The following SERINC1 variants were observed in gnomAD, a reference collection of about 807,000 sequenced individuals.
SERINC1 encodes the protein serine incorporator 1.
SERINC1 carries 38 observed loss-of-function variants against 52.9 expected under a neutral mutation model. That is an observed-to-expected ratio of 0.72 (90% CI 0.55 to 0.94). The LOEUF (loss-of-function observed/expected upper bound fraction) is 0.94. SERINC1 is among the 40% of genes least tolerant of loss of function. The pLI is 0.00. For synonymous variants in SERINC1, 198 were observed against 183.1 expected (o/e 1.08, Z -0.66); for missense variants, 471 against 533.9 (o/e 0.88, Z 1.16).
At chr6:122,449,068 C>T (rs535068392) in intron 7 of SERINC1, among the ~76,000 whole-genome samples, 1 of 152,240 alleles carries the variant, frequency 6.6e-6, no homozygotes, top group Admixed American at 6.5e-5. Flanking sequence ...GTGAAATAAT[C>T]GACAAACATT....
chr6:122,461,090 T>C (rs1775092896), intron 1 of SERINC1, among the ~76,000 whole-genome samples: 2 of 151,830 alleles, frequency 1.3e-5, no homozygotes, highest in Non-Finnish European at 2.9e-5. Flanking sequence ...GAAATTAGAG[T>C]CCCTGAAATG....
At chr6:122,454,386 G>T (rs753575205) in intron 3 of SERINC1, 156 bp from the exon 4 acceptor site, 37 of 558,368 alleles carry the variant, frequency 6.6e-5, no homozygotes, top group Non-Finnish European at 1.1e-4. Flanking sequence ...AGCCATATTT[G>T]TAACTACAAA....
At chr6:122,452,931 T>G (rs1234921318) in intron 5 of SERINC1, among the ~76,000 whole-genome samples, 2 of 152,168 alleles carry the variant, frequency 1.3e-5, no homozygotes, top group Non-Finnish European at 2.9e-5. Flanking sequence ...TGGATTTGGC[T>G]TGCACTCCAA....
chr6:122,471,630 CCCCGG>C (rs1775303417), intron 1 of SERINC1, 64 bp downstream of exon 1: 2 of 1,601,736 alleles, frequency 1.2e-6, no homozygotes, highest in Admixed American at 3.3e-5. Flanking sequence ...GCTCACCCAG[CCCCGG>C]CTCGGATCGC....
intron 7 of SERINC1, among the ~76,000 whole-genome samples, chr6:122,447,475 G>A (rs57134757): frequency 1.4e-3 from 212 of 152,136 alleles, no homozygotes; most frequent in African/African-American, 4.9e-3. Context: ...AGAAGTACCT[G>A]GAAAAGTTAA....
chr6:122,466,975 A>G (rs1222829827), intron 1 of SERINC1, among the ~76,000 whole-genome samples: 1 of 152,242 alleles, frequency 6.6e-6, no homozygotes, highest in Non-Finnish European at 1.5e-5. Flanking sequence ...ACAAAGGAGC[A>G]TCAAAATTCT....
chr6:122,460,125 G>A (rs1775075580), intron 1 of SERINC1, among the ~76,000 whole-genome samples: 1 of 152,166 alleles, frequency 6.6e-6, no homozygotes, highest in Admixed American at 6.5e-5. Context: ...GGAGTGCAGT[G>A]GTGCGATCTC....
intron 1 of SERINC1, among the ~76,000 whole-genome samples, chr6:122,466,972 A>C (rs1312249507): frequency 3.3e-5 from 5 of 152,208 alleles, no homozygotes; most frequent in Admixed American, 2.6e-4. Context: ...TCTACAAAGG[A>C]GCATCAAAAT....
At chr6:122,470,610 A>G (rs1222517417) in intron 1 of SERINC1, among the ~76,000 whole-genome samples, 1 of 152,208 alleles carries the variant, frequency 6.6e-6, no homozygotes, top group East Asian at 1.9e-4. Context: ...AAGAAATACC[A>G]TATAATCAAA....
rs759119675 is a variant in SERINC1 at position 122,446,905 on chromosome 6, C to T, written c.1095G>A (p.Leu365=). The change falls in exon 9 of 10, where the codon CTG becomes CTA. Residue 365 remains leucine, a synonymous_variant. Coordinates refer to ENST00000339697, the MANE Select transcript of SERINC1 (RefSeq NM_020755.4). The part of the protein sequence containing the change: ...EDGGARSDGS[L]EDGDDVHRAV... ...CTCGGTGAACATCGTCCCCATCCTC[C>T]AGTGATCCATCACTTCTAGCTCCAC... The T allele has an allele frequency of 3.1e-6, 5 of 1,613,140 alleles. No individual in the cohort carries two copies. Among genetic ancestry groups the T allele is most frequent in the Non-Finnish European group, 4.2e-6 (5 of 1,179,112 alleles).
chr6:122,471,637 T>C lies in SERINC1; in HGVS notation c.39+62A>G, dbSNP rs1775303755. On this transcript the variant is annotated intron_variant, in intron 1 of 9. Coordinates refer to ENST00000339697, the MANE Select transcript of SERINC1 (RefSeq NM_020755.4). ...CCCGCCGGGCTCACCCAGCCCCGGC[T>C]CGGATCGCCTTCTCTTTGGTCTCTC... is the stretch of plus-strand genomic sequence containing the variant. 3 of 1,610,008 alleles carry C rather than the reference T, an allele frequency of 1.9e-6. No individual in the cohort carries two copies. In the Admixed American group the frequency reaches 5.0e-5, roughly 27 times the overall value.
intron 3 of SERINC1, among the ~76,000 whole-genome samples, chr6:122,455,670 AAAC>A (rs924896087): frequency 3.3e-5 from 5 of 152,166 alleles, no homozygotes; most frequent in African/African-American, 2.4e-5. Flanking sequence ...TTATCAGAAA[AAAC>A]AACAATTACA....
intron 1 of SERINC1, among the ~76,000 whole-genome samples, chr6:122,463,265 T>A (rs188713307): frequency 4.6e-5 from 7 of 152,318 alleles, no homozygotes; most frequent in African/African-American, 9.6e-5. Context: ...TTTTAGAAAG[T>A]TAACCTTAAG....
In SERINC1 at chr6:122,444,993, G is replaced by A. The variant is rs11964202; in HGVS notation, c.*51C>T. 0.11 allele frequency: 171,019 copies of A among 1,573,276 alleles called. 10,324 individuals are homozygous for A. The highest frequency in any genetic ancestry group is 0.14 in the South Asian group (12,055 of 86,100). ...CAACTTTACAAAAGTTGGGAATACT[G>A]TTTTCAAATAAGCAATAATCAAAGT... is the stretch of plus-strand genomic sequence containing the variant. On this transcript the variant is annotated 3_prime_UTR_variant, in exon 10 of 10. Transcript: ENST00000339697.
chr6:122,462,889 G>C (rs1303977542), intron 1 of SERINC1, among the ~76,000 whole-genome samples: 1 of 152,142 alleles, frequency 6.6e-6, no homozygotes, highest in African/African-American at 2.4e-5. Flanking sequence ...TTATTTTCAA[G>C]ATATCAGGTC....
intron 9 of SERINC1, among the ~76,000 whole-genome samples, chr6:122,446,350 T>C (rs1774801144): frequency 6.6e-6 from 1 of 152,102 alleles, no homozygotes; most frequent in Non-Finnish European, 1.5e-5. Context: ...TTGTGGCTTG[T>C]AAGAATTCTA....
intron 7 of SERINC1, 50 bp downstream of exon 7, chr6:122,451,614 A>G (rs1212502411): frequency 5.5e-6 from 4 of 725,484 alleles, no homozygotes; most frequent in East Asian, 6.1e-5. Flanking sequence ...ATTTCTGGAA[A>G]AACAACAACT....
chr6:122,452,267 T>C (rs920606058), intron 5 of SERINC1, among the ~76,000 whole-genome samples: 6 of 152,304 alleles, frequency 3.9e-5, no homozygotes, highest in African/African-American at 9.6e-5. Context: ...CACATAGCTA[T>C]TATGTATTTG....
At chr6:122,463,561 A>C (rs1775141335) in intron 1 of SERINC1, among the ~76,000 whole-genome samples, 1 of 152,188 alleles carries the variant, frequency 6.6e-6, no homozygotes, top group South Asian at 2.1e-4. Context: ...CAGATACTTT[A>C]ATAAAAGGCA....
Sources: allele counts gnomAD v4.1 joint callset (sites outside exome capture counted in the v4.1 genomes callset), GRCh38; gene constraint gnomAD v4.1.1; transcripts MANE v1.5; gene names NCBI Gene and HGNC (gene_info 2026-07-23, HGNC 2026-07-21).